The following DNAH9 variants were observed in gnomAD, a reference collection of about 807,000 sequenced individuals.
The protein encoded by DNAH9 is dynein axonemal heavy chain 9, also known as DNAH9 variant protein.
DNAH9 carries 345 observed loss-of-function variants against 471.6 expected under a neutral mutation model. The observed-to-expected ratio is 0.73, with a 90% CI of 0.67 to 0.80. The LOEUF (loss-of-function observed/expected upper bound fraction) is 0.80, where lower values mean the gene tolerates loss of function less well. Ranked by LOEUF, DNAH9 falls within the 30% of genes least tolerant of loss-of-function variation. The pLI, the probability that DNAH9 is intolerant of heterozygous loss-of-function variation, is 0.00. For missense variants in DNAH9, 5,407 were observed against 5,609.2 expected (o/e 0.96, Z 1.15); for synonymous variants, 2,093 against 2,123.6 (o/e 0.99, Z 0.40).
At chr17:11,622,923 C>T (rs538768513) in intron 6 of DNAH9, among the ~76,000 whole-genome samples, 1 of 151,622 alleles carries the variant, frequency 6.6e-6, no homozygotes, top group East Asian at 1.9e-4. Flanking sequence ...TGGTTAGCTG[C>T]TTTGCTCCTG....
chr17:11,863,707 T>C (rs1971940614), intron 50 of DNAH9, among the ~76,000 whole-genome samples: 2 of 150,750 alleles, frequency 1.3e-5, no homozygotes, highest in African/African-American at 2.4e-5. Context: ...GCTCCTGTTA[T>C]TGGTCTATTC....
At chr17:11,846,321 G>A (rs1184776384) in intron 49 of DNAH9, among the ~76,000 whole-genome samples, 109 of 146,176 alleles carry the variant, frequency 7.5e-4, no homozygotes, top group Admixed American at 1.8e-3. Context: ...GTAGATATGC[G>A]GCGTTATTTC....
chr17:11,680,635 T>A (rs1393753771), intron 18 of DNAH9, 88 bp from the exon 19 acceptor site: 3 of 1,113,450 alleles, frequency 2.7e-6, no homozygotes, highest in Non-Finnish European at 4.0e-6. Flanking sequence ...GTAGCACAGA[T>A]GGAAGCATCT....
At position 11,646,736 on chromosome 17, in the gene DNAH9, A is replaced by T. The variant is rs112765381; in HGVS notation, c.1971-336A>T. ...CGAGACCAGCCTGAACAACACAGAG[A>T]AACCCCATTTCTATTAAAAATACAA... is the stretch of plus-strand genomic sequence containing the variant. On this transcript the variant is annotated intron_variant, in intron 11 of 68. Transcript: ENST00000262442. Among the ~76,000 whole-genome samples, 931 of 152,282 alleles carry T rather than the reference A, an allele frequency of 6.1e-3. 4 individuals carry two copies. The highest frequency in any genetic ancestry group is 9.4e-3 in the Non-Finnish European group (637 of 68,020).
intron 9 of DNAH9, among the ~76,000 whole-genome samples, chr17:11,639,705 G>A (rs539551702): frequency 1.3e-5 from 2 of 152,218 alleles, no homozygotes; most frequent in Admixed American, 6.5e-5. Flanking sequence ...TCTTGAGAGC[G>A]TTTTAAAAAA....
At chr17:11,877,140 C>CAT (rs1972523234) in intron 53 of DNAH9, among the ~76,000 whole-genome samples, 1 of 151,666 alleles carries the variant, frequency 6.6e-6, no homozygotes, top group Non-Finnish European at 1.5e-5. Flanking sequence ...ATATATTTTA[C>CAT]CACAATTTAA....
chr17:11,748,878 G>C (rs756357493), intron 32 of DNAH9, among the ~76,000 whole-genome samples: 1 of 152,064 alleles, frequency 6.6e-6, no homozygotes, highest in African/African-American at 2.4e-5. Flanking sequence ...CCACATCCGG[G>C]TCAAACTCTC....
chr17:11,850,893 T>C (rs1274839922), intron 49 of DNAH9, among the ~76,000 whole-genome samples: 1 of 152,202 alleles, frequency 6.6e-6, no homozygotes, highest in African/African-American at 2.4e-5. Flanking sequence ...TTCTGGACAC[T>C]GGGGCTTCCA....
intron 45 of DNAH9, among the ~76,000 whole-genome samples, chr17:11,814,916 T>C (rs903573430): frequency 7.2e-5 from 11 of 152,012 alleles, no homozygotes; most frequent in Non-Finnish European, 1.6e-4. Flanking sequence ...AGGAGCCATC[T>C]ATGCTGTTAA....
At chr17:11,764,677 C>A (rs1051023889) in intron 36 of DNAH9, among the ~76,000 whole-genome samples, 1 of 151,616 alleles carries the variant, frequency 6.6e-6, no homozygotes, top group Non-Finnish European at 1.5e-5. Flanking sequence ...AGGTTCATCA[C>A]GTTGTTGCAA....
At position 11,598,476 on chromosome 17, in the gene DNAH9, G is replaced by T. The variant is rs2072304006; in HGVS notation, c.-23G>T. 1.5e-6 allele frequency: 2 copies of T among 1,348,236 alleles called. No individual in the cohort carries two copies. The highest frequency in any genetic ancestry group is 1.8e-5 in the South Asian group (1 of 54,398). 83.5% of individuals were successfully genotyped at this position (1,348,236 alleles called of 1,614,324 possible). A position where few individuals can be genotyped will look rare whatever the true frequency, so the allele number is the denominator to read the frequency against. On this transcript the variant is annotated 5_prime_UTR_variant, in exon 1 of 69. Coordinates refer to ENST00000262442, the MANE Select transcript of DNAH9 (RefSeq NM_001372.4). ...CCGCGTCCCCGTCGCTAGGGAAACC[G>T]ATGCAGCTGGAGGCCGCGCGCGATG...
intron 6 of DNAH9, among the ~76,000 whole-genome samples, chr17:11,627,389 T>C (rs1308306080): frequency 6.6e-6 from 1 of 152,154 alleles, no homozygotes; most frequent in African/African-American, 2.4e-5. Context: ...ATCAAACATA[T>C]CACAACGCAT....
chr17:11,733,454 C>A (rs982241030), intron 28 of DNAH9, among the ~76,000 whole-genome samples: 10 of 152,194 alleles, frequency 6.6e-5, no homozygotes, highest in Non-Finnish European at 1.3e-4. Flanking sequence ...GGAAAGATGT[C>A]ATCCTCATGC....
intron 49 of DNAH9, among the ~76,000 whole-genome samples, chr17:11,850,379 C>T (rs140535654): frequency 2.0e-5 from 3 of 152,208 alleles, no homozygotes; most frequent in Admixed American, 6.5e-5. Flanking sequence ...CTAGGCATGG[C>T]GGCTCACGCC....
intron 38 of DNAH9, among the ~76,000 whole-genome samples, chr17:11,771,279 C>A (rs1968195238): frequency 6.6e-6 from 1 of 152,114 alleles, no homozygotes; most frequent in Non-Finnish European, 1.5e-5. Context: ...CAGGCACCTG[C>A]CAAGACACCC....
chr17:11,762,767 T>TTG (rs1555584635), intron 35 of DNAH9, among the ~76,000 whole-genome samples: 26 of 77,636 alleles, frequency 3.3e-4, no homozygotes, highest in Non-Finnish European at 7.9e-4. Flanking sequence ...CGTTTTTTTT[T>TTG]TTGTTTTTTT....
intron 48 of DNAH9, 30 bp from the exon 49 acceptor site, chr17:11,834,608 C>T (rs1454940346): frequency 1.2e-6 from 2 of 1,612,272 alleles, no homozygotes; most frequent in African/African-American, 1.3e-5. Context: ...AGTCACAACT[C>T]CTGATAAGTC....
intron 50 of DNAH9, among the ~76,000 whole-genome samples, chr17:11,858,173 A>C (rs983808255): frequency 2.6e-5 from 4 of 152,220 alleles, no homozygotes; most frequent in Non-Finnish European, 4.4e-5. Context: ...TTATAAAAAT[A>C]ATAGTAAGAA....
chr17:11,708,787 C>G (rs865866209), intron 26 of DNAH9, among the ~76,000 whole-genome samples: 17 of 152,078 alleles, frequency 1.1e-4, no homozygotes, highest in African/African-American at 4.1e-4. Context: ...AATAATGAAG[C>G]CATTATGTAT....
Sources: allele counts gnomAD v4.1 joint callset (sites outside exome capture counted in the v4.1 genomes callset), GRCh38; gene constraint gnomAD v4.1.1; transcripts MANE v1.5; gene names NCBI Gene and HGNC (gene_info 2026-07-23, HGNC 2026-07-21).